SLC35F3: variants seen among roughly 807,000 people sequenced by gnomAD.
SLC35F3 encodes the protein putative thiamine transporter SLC35F3.
Under a neutral mutation model 49.9 loss-of-function variants are expected in SLC35F3, and 25 were observed. That is an observed-to-expected ratio of 0.50 (90% confidence interval 0.37 to 0.70). The LOEUF (loss-of-function observed/expected upper bound fraction) is 0.70. Ranked by LOEUF, SLC35F3 falls within the 30% of genes least tolerant of loss-of-function variation. The pLI is 0.00. For missense variants in SLC35F3, 525 were observed against 639.8 expected (o/e 0.82, Z 1.94); for synonymous variants, 275 against 265.4 (o/e 1.04, Z -0.35).
intron 3 of SLC35F3, among the ~76,000 whole-genome samples, chr1:234,291,469 G>A (rs1345550214): frequency 6.6e-6 from 1 of 152,106 alleles, no homozygotes; most frequent in Non-Finnish European, 1.5e-5. Flanking sequence ...CTGCACTAGA[G>A]GATATTTTTT....
At chr1:234,058,328 A>ATT (rs56960667) in intron 2 of SLC35F3, among the ~76,000 whole-genome samples, 1,137 of 39,726 alleles carry the variant, frequency 0.029, 304 homozygotes, top group Middle Eastern at 0.069. Context: ...ATGTTCCTGA[A>ATT]TTTTTTTTTT....
chr1:234,273,087 T>C (rs1164850689), intron 3 of SLC35F3, among the ~76,000 whole-genome samples: 1 of 152,256 alleles, frequency 6.6e-6, no homozygotes, highest in Non-Finnish European at 1.5e-5. Context: ...GTGTGCATTA[T>C]GTCATCATCT....
chr1:234,259,120 C>T (rs1572120072), intron 3 of SLC35F3, among the ~76,000 whole-genome samples: 2 of 152,328 alleles, frequency 1.3e-5, no homozygotes, highest in East Asian at 3.9e-4. Flanking sequence ...TAGCTGTCTT[C>T]AGACCTTCAA....
chr1:234,236,085 G>T (rs914626215), intron 3 of SLC35F3, among the ~76,000 whole-genome samples: 1 of 152,078 alleles, frequency 6.6e-6, no homozygotes, highest in African/African-American at 2.4e-5. Context: ...GAGAGTGGGG[G>T]AAGGCCCAGA....
intron 2 of SLC35F3, among the ~76,000 whole-genome samples, chr1:234,166,869 G>C (rs116016552): frequency 0.015 from 2,336 of 152,258 alleles, 29 homozygotes; most frequent in Non-Finnish European, 0.023. Flanking sequence ...GTTTCATGGG[G>C]TTAACTAACA....
chr1:234,030,335 A>G (rs933903883), intron 2 of SLC35F3, among the ~76,000 whole-genome samples: 1 of 152,114 alleles, frequency 6.6e-6, no homozygotes, highest in Non-Finnish European at 1.5e-5. Context: ...CTGGGGATTT[A>G]TGGCATCATT....
intron 2 of SLC35F3, among the ~76,000 whole-genome samples, chr1:233,989,127 A>G (rs1271371242): frequency 1.3e-5 from 2 of 152,246 alleles, no homozygotes; most frequent in Non-Finnish European, 2.9e-5. Flanking sequence ...TCCTGGTACC[A>G]GAGGAGTATA....
At chr1:233,952,577 T>A (rs185701720) in intron 2 of SLC35F3, among the ~76,000 whole-genome samples, 1 of 152,366 alleles carries the variant, frequency 6.6e-6, no homozygotes, top group African/African-American at 2.4e-5. Context: ...ACCTGTGTTT[T>A]GTCTGTGAGT....
chr1:234,087,959 A>C (rs1260412231), intron 2 of SLC35F3, among the ~76,000 whole-genome samples: 2 of 152,138 alleles, frequency 1.3e-5, no homozygotes, highest in African/African-American at 4.8e-5. Context: ...GACCCTTTCT[A>C]AAACATCCCC....
chr1:234,305,331 A>G (rs1236841041), intron 3 of SLC35F3, among the ~76,000 whole-genome samples: 1 of 151,602 alleles, frequency 6.6e-6, no homozygotes, highest in Non-Finnish European at 1.5e-5. Flanking sequence ...TTCTTTTACC[A>G]TGTTTCTTTG....
At chr1:233,975,053 G>A (rs901225255) in intron 2 of SLC35F3, among the ~76,000 whole-genome samples, 1 of 152,226 alleles carries the variant, frequency 6.6e-6, no homozygotes, top group African/African-American at 2.4e-5. Context: ...CTGAACAAGT[G>A]AAGACCATCA....
chr1:234,313,751 C>T (rs1015034493), intron 4 of SLC35F3, among the ~76,000 whole-genome samples: 154 of 152,102 alleles, frequency 1.0e-3, no homozygotes, highest in African/African-American at 3.4e-3. Context: ...AACCACAGGG[C>T]GGACTTGACT....
At chr1:233,919,017 T>G (rs115568408) in intron 2 of SLC35F3, among the ~76,000 whole-genome samples, 4,465 of 152,210 alleles carry the variant, frequency 0.029, 198 homozygotes, top group African/African-American at 0.1. Flanking sequence ...GGCCAAATTT[T>G]AATATTTGAT....
At chr1:234,289,217 G>A (rs1668470014) in intron 3 of SLC35F3, among the ~76,000 whole-genome samples, 1 of 152,174 alleles carries the variant, frequency 6.6e-6, no homozygotes, top group Admixed American at 6.5e-5. Context: ...TCCCATCACT[G>A]TGTAGACCAC....
intron 2 of SLC35F3, chr1:234,213,276 T>C (rs1667068735): frequency 6.6e-6 from 1 of 152,230 alleles, no homozygotes. Context: ...CCAGGTAGCA[T>C]TGAAGGTTCT....
intron 2 of SLC35F3, among the ~76,000 whole-genome samples, chr1:233,967,788 GAC>G (rs1419571966): frequency 6.6e-6 from 1 of 152,184 alleles, no homozygotes; most frequent in African/African-American, 2.4e-5. Context: ...TGAGGCCTAA[GAC>G]AGGTTTAATT....
At chr1:234,144,884 G>A (rs61822413) in intron 2 of SLC35F3, among the ~76,000 whole-genome samples, 7,816 of 152,284 alleles carry the variant, frequency 0.051, 244 homozygotes, top group Non-Finnish European at 0.072. Context: ...TCAGCCAAGA[G>A]GACAAGGAAT....
At chr1:234,236,978 C>A (rs1667485341) in intron 3 of SLC35F3, among the ~76,000 whole-genome samples, 2 of 112,670 alleles carry the variant, frequency 1.8e-5, no homozygotes, top group South Asian at 2.9e-4. Flanking sequence ...GGAAATGGGG[C>A]GAGAGCTGAG....
intron 3 of SLC35F3, among the ~76,000 whole-genome samples, chr1:234,279,174 G>A (rs1369782947): frequency 6.6e-6 from 1 of 152,132 alleles, no homozygotes; most frequent in Non-Finnish European, 1.5e-5. Context: ...GTGGGGAGGG[G>A]ACTTCCAGGT....
Sources: gnomAD v4.1 joint callset for allele counts (sites outside exome capture counted in the v4.1 genomes callset) on GRCh38, gnomAD v4.1.1 for gene constraint, MANE v1.5 for transcripts, NCBI Gene and HGNC (gene_info 2026-07-23, HGNC 2026-07-21) for gene names.